The following NYAP2 variants were observed in gnomAD, a reference collection of about 807,000 sequenced individuals.
The protein encoded by NYAP2 is neuronal tyrosine-phosphorylated phosphoinositide-3-kinase adapter 2.
In NYAP2, 23 loss-of-function variants were observed where a neutral mutation model predicts 50.4. The observed-to-expected ratio is 0.46, with a 90% CI of 0.33 to 0.65. NYAP2 has a LOEUF of 0.65. Among genes scored for constraint, NYAP2 ranks in the 30% least tolerant of loss-of-function variants. The probability of loss-of-function intolerance (pLI) is 0.02; values close to 1 mark genes in which losing one functional copy is unlikely to be tolerated. For missense variants in NYAP2, 885 were observed against 861.0 expected (o/e 1.03, Z -0.35); for synonymous variants, 394 against 365.2 (o/e 1.08, Z -0.90).
At chr2:225,519,606 A>G (rs1298847931) in intron 4 of NYAP2, among the ~76,000 whole-genome samples, 5 of 151,940 alleles carry the variant, frequency 3.3e-5, no homozygotes, top group African/African-American at 4.8e-5. Context: ...TGAACTCATC[A>G]TTTTTTATGG....
chr2:225,414,440 A>G (rs899340298), intron 3 of NYAP2, among the ~76,000 whole-genome samples: 1 of 152,214 alleles, frequency 6.6e-6, no homozygotes, highest in Non-Finnish European at 1.5e-5. Flanking sequence ...TGAAAAACCT[A>G]TAAGAAAACA....
At chr2:225,424,247 A>C (rs1408779887) in intron 3 of NYAP2, among the ~76,000 whole-genome samples, 1 of 152,124 alleles carries the variant, frequency 6.6e-6, no homozygotes, top group African/African-American at 2.4e-5. Flanking sequence ...AGTTTTTATC[A>C]AATTATTTTT....
chr2:225,671,526 G>C, the NYAP2 span, among the ~76,000 whole-genome samples: 1 of 152,062 alleles, frequency 6.6e-6, no homozygotes, highest in Non-Finnish European at 1.5e-5. Flanking sequence ...GTCCACTGAG[G>C]CCTTCAGTGC....
exon 7 of NYAP2, chr2:225,653,935 G>C (rs1434633489): frequency 6.6e-6 from 1 of 151,310 alleles, no homozygotes; most frequent in Admixed American, 6.6e-5. Flanking sequence ...AGGAGAATGT[G>C]GTGAACCTGG....
intron 3 of NYAP2, among the ~76,000 whole-genome samples, chr2:225,507,659 G>C (rs1690732166): frequency 6.6e-6 from 1 of 152,152 alleles, no homozygotes; most frequent in Admixed American, 6.5e-5. Flanking sequence ...GTACCATATG[G>C]CATGCTTTAC....
chr2:225,548,627 G>A (rs949197985), intron 4 of NYAP2, among the ~76,000 whole-genome samples: 2 of 151,888 alleles, frequency 1.3e-5, no homozygotes, highest in Middle Eastern at 3.2e-3. Context: ...GCCATATTCT[G>A]TAGGAACATT....
chr2:225,652,294 C>A (rs1330303446), exon 7 of NYAP2: 1 of 152,120 alleles, frequency 6.6e-6, no homozygotes, highest in African/African-American at 2.4e-5. Flanking sequence ...ACTTTTCTCT[C>A]TTATACCAAC....
chr2:225,540,277 C>A (rs889527043), intron 4 of NYAP2, among the ~76,000 whole-genome samples: 2 of 152,160 alleles, frequency 1.3e-5, no homozygotes, highest in Admixed American at 6.6e-5. Context: ...TCTACTAGAA[C>A]CAATTTACTG....
chr2:225,506,875 G>A (rs984634641), intron 3 of NYAP2, among the ~76,000 whole-genome samples: 2 of 151,866 alleles, frequency 1.3e-5, no homozygotes, highest in African/African-American at 4.8e-5. Flanking sequence ...ATGTATGGTT[G>A]AATGTGCCCT....
At chr2:225,679,728 T>C in the NYAP2 span, among the ~76,000 whole-genome samples, 53 of 152,018 alleles carry the variant, frequency 3.5e-4, no homozygotes, top group African/African-American at 1.2e-3. Flanking sequence ...CTCCTGACCT[T>C]GTGATCTGCC....
chr2:225,421,823 C>T (rs1219245822), intron 3 of NYAP2, among the ~76,000 whole-genome samples: 1 of 152,200 alleles, frequency 6.6e-6, no homozygotes, highest in South Asian at 2.1e-4. Flanking sequence ...TCACAACTCT[C>T]AGCAAATCAA....
intron 3 of NYAP2, among the ~76,000 whole-genome samples, chr2:225,413,946 C>A (rs1695085817): frequency 6.6e-6 from 1 of 152,126 alleles, no homozygotes. Context: ...AACGTGCAGA[C>A]TGCCAAGGAT....
intron 4 of NYAP2, among the ~76,000 whole-genome samples, chr2:225,525,909 T>C (rs1409624477): frequency 6.6e-6 from 1 of 152,198 alleles, no homozygotes; most frequent in Non-Finnish European, 1.5e-5. Context: ...GCACAGTTGC[T>C]GGCTTGAAGA....
chr2:225,474,796 C>T (rs970578422), intron 3 of NYAP2, among the ~76,000 whole-genome samples: 1 of 152,194 alleles, frequency 6.6e-6, no homozygotes, highest in Admixed American at 6.5e-5. Flanking sequence ...ATTGAATACC[C>T]TTTATTTCTT....
chr2:225,585,682 G>C (rs924997363), intron 5 of NYAP2, among the ~76,000 whole-genome samples: 2 of 152,134 alleles, frequency 1.3e-5, no homozygotes, highest in African/African-American at 4.8e-5. Flanking sequence ...GAAAAATGCA[G>C]GTAATACAAA....
At chr2:225,664,818 G>A in the NYAP2 span, among the ~76,000 whole-genome samples, 2 of 152,158 alleles carry the variant, frequency 1.3e-5, no homozygotes, top group African/African-American at 2.4e-5. Context: ...AGAGCTTGCA[G>A]TGAGCTATCA....
At chr2:225,416,975 A>G (rs1433263657) in intron 3 of NYAP2, among the ~76,000 whole-genome samples, 1 of 152,178 alleles carries the variant, frequency 6.6e-6, no homozygotes, top group Non-Finnish European at 1.5e-5. Flanking sequence ...ATTTAAGGTA[A>G]TCTTTCTTTG....
At chr2:225,604,095 C>T (rs911519573) in intron 5 of NYAP2, among the ~76,000 whole-genome samples, 24 of 152,064 alleles carry the variant, frequency 1.6e-4, no homozygotes, top group African/African-American at 5.3e-4. Flanking sequence ...CCACGATTCC[C>T]AAGGTATTTT....
rs56041107 is a variant in NYAP2, at chr2:225,641,422, A to AACACACAC, written c.1829-9970_1829-9963dup. Among the ~76,000 whole-genome samples the AACACACAC allele has an allele frequency of 6.7e-3, 898 of 133,672 alleles. 8 individuals carry two copies. Among genetic ancestry groups the AACACACAC allele is most frequent in the Non-Finnish European group, 0.011 (688 of 63,926 alleles). 87.7% of individuals were successfully genotyped at this position (133,672 alleles called of 152,430 possible). ...CCAACACAGGAACTGCAATCCCTCAAACACACACACACACACACACACACA... is the reference window on the plus strand; with the variant it reads ...CCAACACAGGAACTGCAATCCCTCAAACACACACACACACACACACACACACACACACA... On this transcript the variant is annotated intron_variant, in intron 6 of 6. Transcript: ENST00000636099.
Sources: allele counts gnomAD v4.1 joint callset (sites outside exome capture counted in the v4.1 genomes callset), GRCh38; gene constraint gnomAD v4.1.1; transcripts MANE v1.5; gene names NCBI Gene and HGNC (gene_info 2026-07-23, HGNC 2026-07-21).